Variants in GUCY1A2 observed in about 807,000 individuals in gnomAD.
GUCY1A2 encodes the protein guanylate cyclase soluble subunit alpha-2.
In GUCY1A2, 27 loss-of-function variants were observed where a neutral mutation model predicts 63.5. The observed-to-expected ratio is 0.43, with a 90% CI of 0.31 to 0.59. GUCY1A2 has a LOEUF of 0.59. Among genes scored for constraint, GUCY1A2 ranks in the 20% least tolerant of loss-of-function variants. The pLI is 0.11. For missense variants in GUCY1A2, 768 were observed against 913.3 expected (o/e 0.84, Z 2.05); for synonymous variants, 364 against 343.5 (o/e 1.06, Z -0.66).
intron 5 of GUCY1A2, among the ~76,000 whole-genome samples, chr11:106,780,471 G>A (rs1200692624): frequency 6.6e-6 from 1 of 152,164 alleles, no homozygotes; most frequent in Non-Finnish European, 1.5e-5. Context: ...GGGTGGAGGG[G>A]AGAAACTGTG....
At chr11:106,886,263 T>G (rs1448330727) in intron 4 of GUCY1A2, among the ~76,000 whole-genome samples, 2 of 152,312 alleles carry the variant, frequency 1.3e-5, no homozygotes, top group East Asian at 3.9e-4. Flanking sequence ...TCTTCCATCC[T>G]TTCCTCCTTC....
chr11:106,997,846 GA>G (rs1861561252), intron 1 of GUCY1A2, among the ~76,000 whole-genome samples: 1 of 152,014 alleles, frequency 6.6e-6, no homozygotes, highest in Non-Finnish European at 1.5e-5. Flanking sequence ...ATCTAAGTGG[GA>G]TAATGTATGT....
chr11:106,761,464 C>G (rs530933224), intron 6 of GUCY1A2, among the ~76,000 whole-genome samples: 1 of 152,262 alleles, frequency 6.6e-6, no homozygotes, highest in South Asian at 2.1e-4. Flanking sequence ...TTTTCAGACA[C>G]CAGCAGCAAG....
intron 5 of GUCY1A2, among the ~76,000 whole-genome samples, chr11:106,788,288 A>G (rs922555560): frequency 6.6e-5 from 10 of 151,560 alleles, no homozygotes; most frequent in African/African-American, 2.4e-4. Flanking sequence ...CTGGTTATTA[A>G]TCTCTTGTTA....
intron 4 of GUCY1A2, among the ~76,000 whole-genome samples, chr11:106,832,321 T>C (rs1488995881): frequency 2.6e-5 from 4 of 152,186 alleles, no homozygotes; most frequent in Non-Finnish European, 4.4e-5. Flanking sequence ...TGAGAAAATA[T>C]TGAGGGAATA....
chr11:106,955,292 G>A (rs1397150108), intron 3 of GUCY1A2, among the ~76,000 whole-genome samples: 1 of 152,098 alleles, frequency 6.6e-6, no homozygotes, highest in Non-Finnish European at 1.5e-5. Flanking sequence ...TTTAAGTGGG[G>A]CATTTAGCCC....
At chr11:106,856,548 CTA>C (rs1158766623) in intron 4 of GUCY1A2, among the ~76,000 whole-genome samples, 3 of 152,048 alleles carry the variant, frequency 2.0e-5, no homozygotes, top group African/African-American at 7.2e-5. Context: ...TAAAGTGAAA[CTA>C]TGTTAAATAT....
At chr11:106,736,071 A>G (rs764751501) in intron 6 of GUCY1A2, among the ~76,000 whole-genome samples, 43 of 151,962 alleles carry the variant, frequency 2.8e-4, no homozygotes, top group Admixed American at 1.0e-3. Flanking sequence ...ATTTTCTCCC[A>G]TTCTGTGGGT....
intron 7 of GUCY1A2, among the ~76,000 whole-genome samples, chr11:106,708,147 T>C (rs1311285265): frequency 1.3e-5 from 2 of 152,064 alleles, no homozygotes; most frequent in African/African-American, 2.4e-5. Flanking sequence ...ACCTTTTCTA[T>C]TGTATTTCTT....
chr11:106,731,109 T>C (rs1360263758), intron 6 of GUCY1A2, among the ~76,000 whole-genome samples: 1 of 152,140 alleles, frequency 6.6e-6, no homozygotes, highest in African/African-American at 2.4e-5. Context: ...TAGATCTCCT[T>C]TGTCAATTTT....
chr11:106,687,694 T>C lies in GUCY1A2; in HGVS notation c.2054A>G (p.Asn685Ser). 1 of 1,613,652 alleles carries C rather than the reference T, an allele frequency of 6.2e-7. No homozygotes were observed. The highest frequency in any genetic ancestry group is 8.5e-7 in the Non-Finnish European group (1 of 1,179,520). The stretch of plus-strand genomic sequence containing the variant: ...GATCCCAGGAATTTCCTTTGGAAAG[T>C]TGTCTGGAAGCTCTTCACGAGACCG... ...IPRSREELPDNFPKEIPGICY... is the reference protein window; with the variant it reads ...IPRSREELPDSFPKEIPGICY... The change falls in exon 8 of 8, where the codon AAC becomes AGC. Residue 685 changes from asparagine to serine, a missense_variant. By Grantham distance (46) the Asn-to-Ser change is conservative. Around this residue, in one of 3 missense-constraint regions of GUCY1A2, gnomAD observed 150 missense variants for 188.3 expected, o/e 0.80. Transcript: ENST00000526355.
intron 4 of GUCY1A2, among the ~76,000 whole-genome samples, chr11:106,921,452 A>T (rs528596048): frequency 9.1e-4 from 138 of 151,650 alleles, no homozygotes; most frequent in Non-Finnish European, 1.5e-3. Context: ...ATTCTAGTTT[A>T]AAAAAAAACT....
chr11:106,856,592 T>A (rs11211949), intron 4 of GUCY1A2, among the ~76,000 whole-genome samples: 46,124 of 152,034 alleles, frequency 0.3, 7,319 homozygotes, highest in Non-Finnish European at 0.34. Flanking sequence ...TTCCTCTATA[T>A]CCTATTACAT....
At chr11:106,715,874 A>G (rs1863204756) in intron 6 of GUCY1A2, among the ~76,000 whole-genome samples, 1 of 152,238 alleles carries the variant, frequency 6.6e-6, no homozygotes, top group Admixed American at 6.5e-5. Flanking sequence ...AAAAGATACA[A>G]TAGCTAATTG....
chr11:106,840,991 T>A lies in GUCY1A2; in HGVS notation c.1207-30513A>T, dbSNP rs983107604. Among the ~76,000 whole-genome samples the A allele has an allele frequency of 4.6e-5, 7 of 151,994 alleles. No individual in the cohort carries two copies. The East Asian group carries it at 1.4e-3, about 29-fold the overall frequency. The stretch of plus-strand genomic sequence containing the variant: ...TTATATTCATAATTTTTCCATTTGA[T>A]GGAGTGATTCATTTACTTAGAATAT... On this transcript the variant is annotated intron_variant, in intron 4 of 7. Transcript: ENST00000526355.
At chr11:106,714,203 G>A (rs1195379360) in intron 6 of GUCY1A2, among the ~76,000 whole-genome samples, 1 of 151,850 alleles carries the variant, frequency 6.6e-6, no homozygotes, top group African/African-American at 2.4e-5. Context: ...AGGGGGCAGA[G>A]GGTCATAGAG....
At chr11:106,838,890 G>A (rs1033508011) in intron 4 of GUCY1A2, among the ~76,000 whole-genome samples, 6 of 151,980 alleles carry the variant, frequency 3.9e-5, no homozygotes, top group Non-Finnish European at 5.9e-5. Flanking sequence ...TTTGTCAGAT[G>A]AGTAGATTGC....
chr11:106,810,322 C>T lies in GUCY1A2; in HGVS notation c.1363G>A (p.Val455Ile). The part of the protein sequence containing the change: ...IHDATRDVIL[V>I]GEQAKAQDGL... ...TCTTGGGCCTTTGCCTGCTCACCAACCAAAATGACATCTCGGGTGGCATCA... is the reference window on the plus strand; with the variant it reads ...TCTTGGGCCTTTGCCTGCTCACCAATCAAAATGACATCTCGGGTGGCATCA... The change falls in exon 5 of 8, where the codon GTT becomes ATT. Residue 455 changes from valine to isoleucine, a missense_variant. Coordinates refer to ENST00000526355, the MANE Select transcript of GUCY1A2 (RefSeq NM_000855.3). 1 of 1,613,930 alleles carries T rather than the reference C, an allele frequency of 6.2e-7. No homozygotes were observed.
chr11:106,817,390 AAACT>A, intron 4 of GUCY1A2, among the ~76,000 whole-genome samples: 1 of 152,078 alleles, frequency 6.6e-6, no homozygotes, highest in Middle Eastern at 3.4e-3. Flanking sequence ...TTAAGACTAG[AAACT>A]AACTACTAAA....
Sources: gnomAD v4.1 joint callset for allele counts (sites outside exome capture counted in the v4.1 genomes callset) on GRCh38, gnomAD v4.1.1 for gene constraint, gnomAD v4.1.1 regional missense constraint, MANE v1.5 for transcripts, NCBI Gene and HGNC (gene_info 2026-07-23, HGNC 2026-07-21) for gene names.